Variants in UBE2E2 observed in about 807,000 individuals in gnomAD.
UBE2E2 encodes ubiquitin conjugating enzyme E2 E2.
A neutral mutation model predicts 24.7 loss-of-function variants in UBE2E2; 6 were observed. The ratio of observed to expected loss-of-function variants is 0.24; its 90% CI spans 0.13 to 0.48. The LOEUF (loss-of-function observed/expected upper bound fraction) is 0.48, where lower values mean the gene tolerates loss of function less well. UBE2E2 is among the 20% of genes least tolerant of loss of function. The pLI is 0.99. For synonymous variants in UBE2E2, 104 were observed against 83.6 expected, an observed-to-expected ratio of 1.24 and a Z score of -1.33; for missense variants, 169 against 245.0, an observed-to-expected ratio of 0.69 and a Z score of 2.07.
rs566201665 is a variant in UBE2E2 at position 23,350,014 on chromosome 3, G to T, written c.227+132702G>T. Among the ~76,000 whole-genome samples the T allele has an allele frequency of 5.3e-5, 8 of 152,256 alleles. No individual in the cohort carries two copies. The East Asian group carries it at 1.2e-3, about 22-fold the overall frequency. On this transcript the variant is annotated intron_variant, in intron 3 of 5. Coordinates refer to ENST00000396703, the MANE Select transcript of UBE2E2 (RefSeq NM_152653.4). ...TAGGGGCACACTGACACCTCACACG[G>T]CCAGGTACTCCTCTGAGACAAAACT...
At chr3:23,465,789 T>C (rs533564407) in intron 3 of UBE2E2, among the ~76,000 whole-genome samples, 27 of 152,278 alleles carry the variant, frequency 1.8e-4, no homozygotes, top group Admixed American at 1.4e-3. Context: ...TTTAATTGAA[T>C]TCCTACAGAA....
chr3:23,457,207 C>T (rs1298579495), intron 3 of UBE2E2, among the ~76,000 whole-genome samples: 1 of 152,132 alleles, frequency 6.6e-6, no homozygotes, highest in Admixed American at 6.5e-5. Context: ...CTAAGCTTCT[C>T]TCTGGGCAGG....
chr3:23,264,539 G>A (rs1485828416), intron 3 of UBE2E2, among the ~76,000 whole-genome samples: 1 of 152,022 alleles, frequency 6.6e-6, no homozygotes, highest in Admixed American at 6.6e-5. Context: ...TTTTTAATGG[G>A]ACTGCCTCTT....
At chr3:23,296,469 C>A (rs527783512) in intron 3 of UBE2E2, among the ~76,000 whole-genome samples, 1 of 152,244 alleles carries the variant, frequency 6.6e-6, no homozygotes, top group South Asian at 2.1e-4. Context: ...TCTCCCCACC[C>A]CACAACAGGC....
At chr3:23,573,691 A>G (rs1481286067) in intron 5 of UBE2E2, among the ~76,000 whole-genome samples, 2 of 152,228 alleles carry the variant, frequency 1.3e-5, no homozygotes, top group African/African-American at 2.4e-5. Context: ...TGATGTACCA[A>G]TATCTTTTCT....
chr3:23,519,957 C>T (rs1162921698), intron 4 of UBE2E2, among the ~76,000 whole-genome samples: 1 of 152,156 alleles, frequency 6.6e-6, no homozygotes, highest in Non-Finnish European at 1.5e-5. Flanking sequence ...TATCATTAAA[C>T]ATTTCTTCTC....
intron 3 of UBE2E2, among the ~76,000 whole-genome samples, chr3:23,229,175 G>C (rs1696909286): frequency 6.6e-6 from 1 of 152,178 alleles, no homozygotes. Context: ...ATAGTAGGGA[G>C]CTAACAGCTA....
intron 3 of UBE2E2, among the ~76,000 whole-genome samples, chr3:23,297,443 G>A (rs1266976837): frequency 6.6e-6 from 1 of 152,048 alleles, no homozygotes; most frequent in African/African-American, 2.4e-5. Context: ...ATGGTTTTAG[G>A]TCTAACGTTT....
chr3:23,571,280 C>CTTTGTTTTTTTTTTTTTTTTTTTTTTT (rs1696218039), intron 5 of UBE2E2, among the ~76,000 whole-genome samples: 1 of 29,866 alleles, frequency 3.3e-5, no homozygotes, highest in Non-Finnish European at 6.6e-5. Flanking sequence ...GTGCTCCTTT[C>CTTTGTTTTTTTTTTTTTTTTTTTTTTT]TTTTTTTTTT....
intron 3 of UBE2E2, among the ~76,000 whole-genome samples, chr3:23,233,565 C>G (rs1223987992): frequency 6.6e-6 from 1 of 152,126 alleles, no homozygotes; most frequent in Non-Finnish European, 1.5e-5. Flanking sequence ...AAACCTTATG[C>G]ATTTTACTCT....
At chr3:23,371,905 G>T (rs150538435) in intron 3 of UBE2E2, among the ~76,000 whole-genome samples, 4,334 of 152,128 alleles carry the variant, frequency 0.028, 90 homozygotes, top group Non-Finnish European at 0.041. Flanking sequence ...ATCATTTGAG[G>T]TCAGGAGTTC....
chr3:23,288,254 T>C (rs1474147779), intron 3 of UBE2E2, among the ~76,000 whole-genome samples: 5 of 152,350 alleles, frequency 3.3e-5, no homozygotes, highest in African/African-American at 4.8e-5. Context: ...AGCTCTAGTT[T>C]TATTCCATTC....
At chr3:23,429,067 AC>A (rs1325440558) in intron 3 of UBE2E2, among the ~76,000 whole-genome samples, 37 of 152,178 alleles carry the variant, frequency 2.4e-4, no homozygotes, top group Admixed American at 2.4e-3. Context: ...GAAAGATACA[AC>A]CTGCCAAAAT....
intron 3 of UBE2E2, among the ~76,000 whole-genome samples, chr3:23,457,714 C>T (rs1230532332): frequency 5.9e-5 from 9 of 152,166 alleles, no homozygotes; most frequent in Non-Finnish European, 1.3e-4. Context: ...TGGGATCTCC[C>T]TGTGTTGCCC....
intron 3 of UBE2E2, among the ~76,000 whole-genome samples, chr3:23,391,149 G>A: frequency 6.6e-6 from 1 of 152,104 alleles, no homozygotes; most frequent in African/African-American, 2.4e-5. Context: ...CAGGATGGTT[G>A]TTTACTTACC....
intron 5 of UBE2E2, among the ~76,000 whole-genome samples, chr3:23,546,781 T>C (rs1368187719): frequency 6.6e-6 from 1 of 152,066 alleles, no homozygotes; most frequent in African/African-American, 2.4e-5. Context: ...CAAGAACATT[T>C]AGATTTTAAT....
intron 3 of UBE2E2, among the ~76,000 whole-genome samples, chr3:23,299,365 G>A (rs1221281808): frequency 2.6e-5 from 4 of 151,958 alleles, no homozygotes; most frequent in Admixed American, 1.3e-4. Context: ...AGCTCTTTTA[G>A]TTGTGATGTT....
chr3:23,487,845 C>A (rs916712441), intron 3 of UBE2E2, among the ~76,000 whole-genome samples: 37 of 152,164 alleles, frequency 2.4e-4, no homozygotes, highest in African/African-American at 7.5e-4. Flanking sequence ...TTAAGTGTCT[C>A]TGTGTGCAGG....
intron 3 of UBE2E2, among the ~76,000 whole-genome samples, chr3:23,361,242 GTACAACC>G (rs1363284165): frequency 1.3e-5 from 2 of 152,290 alleles, no homozygotes; most frequent in East Asian, 3.9e-4. Context: ...ATGTAAACTA[GTACAACC>G]ACTATGGAAA....
Sources: allele counts gnomAD v4.1 joint callset (sites outside exome capture counted in the v4.1 genomes callset), GRCh38; gene constraint gnomAD v4.1.1; transcripts MANE v1.5; gene names NCBI Gene and HGNC (gene_info 2026-07-23, HGNC 2026-07-21).